Variants in ADAMTS10 observed in about 807,000 individuals in gnomAD.
ADAMTS10 encodes ADAM metallopeptidase with thrombospondin type 1 motif 10, also known as A disintegrin and metalloproteinase with thrombospondin motifs 10.
A neutral mutation model predicts 135.9 loss-of-function variants in ADAMTS10; 48 were observed. The observed-to-expected ratio is 0.35, with a 90% confidence interval of 0.28 to 0.45. ADAMTS10 has a LOEUF of 0.45. Among genes scored for constraint, ADAMTS10 ranks in the 20% least tolerant of loss-of-function variants. The pLI, the probability that ADAMTS10 is intolerant of heterozygous loss-of-function variation, is 1.00. For synonymous variants in ADAMTS10, 621 were observed against 647.5 expected, an observed-to-expected ratio of 0.96 and a Z score of 0.62; for missense variants, 1,131 against 1,565.2, an observed-to-expected ratio of 0.72 and a Z score of 4.68.
intron 1 of ADAMTS10, among the ~76,000 whole-genome samples, chr19:8,610,155 A>G (rs1197261110): frequency 1.3e-5 from 2 of 151,168 alleles, no homozygotes; most frequent in African/African-American, 4.9e-5. Flanking sequence ...CCAGAGACAA[A>G]CTCACAAGTC....
At chr19:8,604,855 A>T in intron 4 of ADAMTS10, 157 bp downstream of exon 4, 1 of 799,340 alleles carries the variant, frequency 1.3e-6, no homozygotes, top group Non-Finnish European at 2.0e-6. Flanking sequence ...ATTTTCCTTT[A>T]AGTACTGCTT....
rs149306977 is a variant in ADAMTS10 at position 8,588,624 on chromosome 19, T to C, written c.2158+618A>G. Among the ~76,000 whole-genome samples, 234 of 152,240 alleles carry C rather than the reference T, an allele frequency of 1.5e-3. 3 individuals carry two copies. Among genetic ancestry groups the C allele is most frequent in the African/African-American group, 5.2e-3 (216 of 41,550 alleles). ...CAAGCTGGAAAAGGTGCTTTCTACA[T>C]TCTCTGAATATCCCCTCCCGTAGTA... On this transcript the variant is annotated intron_variant, in intron 18 of 25. Transcript: ENST00000597188.
At chr19:8,600,664 A>T (rs1388624105) in intron 6 of ADAMTS10, among the ~76,000 whole-genome samples, 1 of 151,322 alleles carries the variant, frequency 6.6e-6, no homozygotes, top group African/African-American at 2.4e-5. Context: ...ACACTCGGCT[A>T]ATTTTTTGTA....
intron 22 of ADAMTS10, 148 bp downstream of exon 22, chr19:8,585,974 C>A: frequency 7.3e-7 from 1 of 1,374,774 alleles, no homozygotes; most frequent in Admixed American, 2.0e-5. Flanking sequence ...TCCCCCATAA[C>A]TCCTATAGAA....
rs2042673880 is a variant in ADAMTS10 at position 8,601,993 on chromosome 19, G to T, written c.593-848C>A. 6.6e-6 allele frequency among the ~76,000 whole-genome samples: 1 copy of T among 152,216 alleles called. No homozygotes were observed. The highest frequency in any genetic ancestry group is 1.5e-5 in the Non-Finnish European group (1 of 68,038). ...CACTGACAATTCCACTGCCCGAATG[G>T]AATGGTGTGAACCAGCCTGTTTTGC... is the stretch of plus-strand genomic sequence containing the variant. On this transcript the variant is annotated intron_variant, in intron 5 of 25. Transcript: ENST00000597188. This position sits in a 1 kb window ranked among gnomAD's most constrained non-coding sequence, Gnocchi z 4.6.
chr19:8,592,273 G>A (rs1568398857), intron 13 of ADAMTS10, 170 bp from the exon 14 acceptor site: 3 of 1,370,490 alleles, frequency 2.2e-6, no homozygotes, highest in Non-Finnish European at 2.0e-6. Flanking sequence ...AGTGGTCTGG[G>A]AGACAGACCA....
In ADAMTS10 at chr19:8,601,360, TTC is replaced by T. The variant is rs2042668029; in HGVS notation, c.593-217_593-216del. Among the ~76,000 whole-genome samples the T allele has an allele frequency of 7.0e-6, 1 of 142,912 alleles. No homozygotes were observed. Among genetic ancestry groups the T allele is most frequent in the African/African-American group, 2.7e-5 (1 of 36,710 alleles). 93.8% of individuals were successfully genotyped at this position (142,912 alleles called of 152,430 possible). A position where few individuals can be genotyped will look rare whatever the true frequency, so the allele number is the denominator to read the frequency against. ...GCCAAACACCTCATCGTTTTTCTTA[TTC>T]TTTTTTTTTTTTTTTTTGAGACGGA... is the stretch of plus-strand genomic sequence containing the variant. On this transcript the variant is annotated intron_variant, in intron 5 of 25. Transcript: ENST00000597188. This position sits in a 1 kb window ranked among gnomAD's most constrained non-coding sequence, Gnocchi z 4.6.
At position 8,605,909 on chromosome 19, in the gene ADAMTS10, G is replaced by C; in HGVS notation, c.-99-100C>G. On this transcript the variant is annotated intron_variant, in intron 2 of 25. Coordinates refer to ENST00000597188, the MANE Select transcript of ADAMTS10 (RefSeq NM_030957.4). The surrounding 1 kb of genome is among the most constrained non-coding windows in gnomAD (Gnocchi z 7.7). ...CCAAAGCTTTTCACCTGACTCTGAA[G>C]ATTCTGAATGCATTTTCTCACTCAG... 8.7e-7 allele frequency: 1 copy of C among 1,146,384 alleles called. No homozygotes were observed. The highest frequency in any genetic ancestry group is 1.2e-6 in the Non-Finnish European group (1 of 836,794). 71.0% of individuals were successfully genotyped at this position (1,146,384 alleles called of 1,614,324 possible).
At position 8,581,014 on chromosome 19, in the gene ADAMTS10, G is replaced by A; in HGVS notation, c.3203-12C>T. On this transcript the variant is annotated splice_polypyrimidine_tract_variant and intron_variant, in intron 25 of 25. Transcript: ENST00000597188. Reference sequence around the variant, plus strand: ...CACATCCTTGCACTCTGCGGGGACGGGAGAAGGAAGGAAAAATCAGGTCTC... The same window carrying A: ...CACATCCTTGCACTCTGCGGGGACGAGAGAAGGAAGGAAAAATCAGGTCTC... The A allele has an allele frequency of 1.3e-6, 2 of 1,599,730 alleles. No individual in the cohort carries two copies. The highest frequency in any genetic ancestry group is 2.2e-5 in the East Asian group (1 of 44,462).
At chr19:8,587,918 G>A (rs1194591707) in intron 18 of ADAMTS10, among the ~76,000 whole-genome samples, 4 of 131,652 alleles carry the variant, frequency 3.0e-5, no homozygotes, top group Admixed American at 8.3e-5. Flanking sequence ...GTGACAGAGC[G>A]AGACCCCATC....
intron 13 of ADAMTS10, 43 bp from the exon 14 acceptor site, chr19:8,592,146 A>G: frequency 6.2e-7 from 1 of 1,612,890 alleles, no homozygotes; most frequent in Non-Finnish European, 8.5e-7. Flanking sequence ...AGCCCGGAGG[A>G]CACTCGTCGG....
chr19:8,595,713 CAGCG>C, intron 12 of ADAMTS10, 45 bp downstream of exon 12: 7 of 1,414,578 alleles, frequency 4.9e-6, no homozygotes, highest in East Asian at 2.7e-5. Context: ...CCCCCAGCCC[CAGCG>C]GCCCCCTCCC....
rs530128912 is a variant in ADAMTS10 at position 8,596,472 on chromosome 19, C to T, written c.1085-60G>A. 1.5e-4 allele frequency: 241 copies of T among 1,611,694 alleles called. No individual in the cohort carries two copies. Among genetic ancestry groups the T allele is most frequent in the Non-Finnish European group, 2.0e-4 (232 of 1,178,702 alleles). On this transcript the variant is annotated intron_variant, in intron 9 of 25. Coordinates refer to ENST00000597188, the MANE Select transcript of ADAMTS10 (RefSeq NM_030957.4). This position sits in a 1 kb window ranked among gnomAD's most constrained non-coding sequence, Gnocchi z 7.2. ...GGCTCAGGACGGTGCTGGCTGGCCC[C>T]ATCCACCTGCCAGGTCTCACCCCAG...
intron 25 of ADAMTS10, among the ~76,000 whole-genome samples, chr19:8,582,236 G>A (rs1555736016): frequency 6.6e-6 from 1 of 152,124 alleles, no homozygotes; most frequent in Non-Finnish European, 1.5e-5. Context: ...TTGGGAGGCT[G>A]AGTCGGGCGG....
intron 25 of ADAMTS10, among the ~76,000 whole-genome samples, chr19:8,582,186 T>C (rs550697656): frequency 1.7e-4 from 26 of 152,270 alleles, no homozygotes; most frequent in Middle Eastern, 3.4e-3. Flanking sequence ...AAAGTGAAGA[T>C]AGGCCGGGCA....
At chr19:8,608,306 TC>T (rs1484191841) in intron 1 of ADAMTS10, 58 bp from the exon 2 acceptor site, 2 of 152,284 alleles carry the variant, frequency 1.3e-5, no homozygotes, top group African/African-American at 4.8e-5. Flanking sequence ...CTGAGCTGGG[TC>T]TGTAGTTGAG....
At position 8,584,959 on chromosome 19, in the gene ADAMTS10, C is replaced by T. The variant is rs969473391; in HGVS notation, c.3138G>A (p.Arg1046=). ...QASHECTEAL[R]PPTTQQCEAK... ...CCTCACACTGCTGCGTGGTGGGCGG[C>T]CGCAGGGCCTCCGTGCACTCGTGCG... Residue 1046 remains arginine (R), a synonymous_variant, in exon 25 of 26, where the codon CGG becomes CGA. Transcript: ENST00000597188. 4 of 1,547,874 alleles carry T rather than the reference C, an allele frequency of 2.6e-6. No homozygotes were observed. The highest frequency in any genetic ancestry group is 3.5e-6 in the Non-Finnish European group (4 of 1,146,348).
intron 13 of ADAMTS10, chr19:8,592,363 C>G (rs936618423): frequency 1.2e-5 from 8 of 654,196 alleles, no homozygotes; most frequent in Non-Finnish European, 2.0e-5. Context: ...AGCGTGGAGA[C>G]GAGGTGGGGC....
At position 8,599,629 on chromosome 19, in the gene ADAMTS10, C is replaced by CAACCTTCCTTT; in HGVS notation, c.810+1298_810+1299insAAAGGAAGGTT. On this transcript the variant is annotated intron_variant, in intron 6 of 25. Transcript: ENST00000597188. ...TACAGGTGTGAGCCACCGTGCCCAG[C>CAACCTTCCTTT]CTACTGCGATTTATTTATTTATTTA... 2.6e-5 allele frequency among the ~76,000 whole-genome samples: 4 copies of CAACCTTCCTTT among 152,092 alleles called. No homozygotes were observed. The South Asian group carries it at 8.3e-4, about 32-fold the overall frequency.
Sources: gnomAD v4.1 joint callset for allele counts (sites outside exome capture counted in the v4.1 genomes callset) on GRCh38, gnomAD v4.1.1 for gene constraint, Gnocchi (gnomAD v3.1) non-coding constraint, MANE v1.5 for transcripts, NCBI Gene and HGNC (gene_info 2026-07-23, HGNC 2026-07-21) for gene names.